ZNF777: variants seen among roughly 807,000 people sequenced by gnomAD.
ZNF777 encodes the protein zinc finger protein 777.
In ZNF777, 7 loss-of-function variants were observed where a neutral mutation model predicts 72.1. That is an observed-to-expected ratio of 0.10 (90% CI 0.06 to 0.18). ZNF777 has a LOEUF of 0.18. ZNF777 is among the 10% of genes least tolerant of loss of function. The pLI, the probability that ZNF777 is intolerant of heterozygous loss-of-function variation, is 1.00. For synonymous variants in ZNF777, 545 were observed against 483.5 expected, an observed-to-expected ratio of 1.13 and a Z score of -1.67; for missense variants, 828 against 1,128.6, an observed-to-expected ratio of 0.73 and a Z score of 3.82.
chr7:149,454,977 C>T (rs892178954), intron 2 of ZNF777, among the ~76,000 whole-genome samples, 200 bp downstream of exon 2: 1 of 152,208 alleles, frequency 6.6e-6, no homozygotes, highest in Non-Finnish European at 1.5e-5. Flanking sequence ...ACTGACAATC[C>T]CCGATCCCAG....
chr7:149,448,508 T>TAA (rs1563237668), intron 4 of ZNF777, among the ~76,000 whole-genome samples: 1 of 136,264 alleles, frequency 7.3e-6, no homozygotes, highest in African/African-American at 2.9e-5. Context: ...TATATATATA[T>TAA]ATAACTATAT....
In ZNF777 at chr7:149,459,893, G is replaced by A. The variant is rs866113450; in HGVS notation, c.-16+922C>T. On this transcript the variant is annotated intron_variant, in intron 1 of 5. Transcript: ENST00000247930. Reference sequence around the variant, plus strand: ...CTCGGGGCCGCGTGTGTGCCGGGCCGGGCGTGAGAGCAGCCTCCCTCGCAC... The same window carrying A: ...CTCGGGGCCGCGTGTGTGCCGGGCCAGGCGTGAGAGCAGCCTCCCTCGCAC... 8.8e-5 allele frequency: 86 copies of A among 974,402 alleles called. No individual in the cohort carries two copies. The East Asian group carries it at 1.4e-3, about 16-fold the overall frequency. The allele number at this position is 974,402 out of a possible 1,614,324, so 60.4% of individuals were successfully genotyped here. A position where few individuals can be genotyped will look rare whatever the true frequency, so the allele number is the denominator to read the frequency against.
rs778543977 is a variant in ZNF777, at chr7:149,455,967, G to T, written c.56C>A (p.Thr19Asn). The T allele has an allele frequency of 1.2e-6, 2 of 1,611,074 alleles. No individual in the cohort carries two copies. Among genetic ancestry groups the T allele is most frequent in the South Asian group, 2.2e-5 (2 of 90,926 alleles). The change falls in exon 2 of 6, where the codon ACC (threonine) becomes AAC (asparagine). Residue 19 changes from threonine to asparagine, a missense_variant. Physicochemically the swap from Thr to Asn is moderately conservative, Grantham distance 65. Around this residue, in one of 12 missense-constraint regions of ZNF777, gnomAD observed 222 missense variants for 211.2 expected, o/e 1.05. Coordinates refer to ENST00000247930, the MANE Select transcript of ZNF777 (RefSeq NM_015694.3). This position sits in a 1 kb window ranked among gnomAD's most constrained non-coding sequence, Gnocchi z 4.2. ...LSFPSVPQEE[T>N]LRQAPAGLPR... is the part of the protein sequence containing the mutation. ...GAGTCCAGCAGGGGCCTGACGTAAG[G>T]TTTCTTCTTGTGGAACACTGGGGAA...
At chr7:149,441,825 A>C (rs1799521330) in intron 4 of ZNF777, among the ~76,000 whole-genome samples, 1 of 152,178 alleles carries the variant, frequency 6.6e-6, no homozygotes, top group Non-Finnish European at 1.5e-5. Context: ...TTCTAGGGCA[A>C]AAAATATTTT....
rs1276607605 is a variant in ZNF777, at chr7:149,455,809, G to C, written c.214C>G (p.Pro72Ala). 1 of 1,612,816 alleles carries C rather than the reference G, an allele frequency of 6.2e-7. No individual in the cohort carries two copies. The highest frequency in any genetic ancestry group is 1.1e-5 in the South Asian group (1 of 91,014). The part of the protein sequence containing the change: ...APKQETSGRM[P>A]HVLQKGPSLL... ...GAGGGTCCCTTCTGGAGCACATGTGGCATCCGGCCAGAAGTCTCTTGCTTG... is the reference window on the plus strand; with the variant it reads ...GAGGGTCCCTTCTGGAGCACATGTGCCATCCGGCCAGAAGTCTCTTGCTTG... The change falls in exon 2 of 6, where the codon CCA becomes GCA. Residue 72 changes from proline to alanine, a missense_variant. By Grantham distance (27) the Pro-to-Ala change is conservative. This residue lies in a region of ZNF777 where 222 missense variants were observed against 211.2 expected (regional missense o/e 1.05). Coordinates refer to ENST00000247930, the MANE Select transcript of ZNF777 (RefSeq NM_015694.3). This position sits in a 1 kb window ranked among gnomAD's most constrained non-coding sequence, Gnocchi z 4.2.
chr7:149,449,288 C>T (rs1437286275), intron 4 of ZNF777, among the ~76,000 whole-genome samples: 3 of 152,342 alleles, frequency 2.0e-5, no homozygotes, highest in Non-Finnish European at 4.4e-5. Context: ...ATTTCAGCCA[C>T]ACAAGGAGGC....
intron 4 of ZNF777, among the ~76,000 whole-genome samples, chr7:149,439,445 T>C (rs1563234841): frequency 6.6e-6 from 1 of 152,238 alleles, no homozygotes. Flanking sequence ...ATTGTAAATA[T>C]TGATACTTTG....
In ZNF777 at chr7:149,455,940, G is replaced by A; in HGVS notation, c.83C>T (p.Pro28Leu). 6.2e-7 allele frequency: 1 copy of A among 1,613,644 alleles called. No homozygotes were observed. The highest frequency in any genetic ancestry group is 1.1e-5 in the South Asian group (1 of 91,042). ...GCGGGATTGGAACAGAGTTTCTCGG[G>A]GGAGTCCAGCAGGGGCCTGACGTAA... is the stretch of plus-strand genomic sequence containing the variant. ...ETLRQAPAGLPRETLFQSRVL... is the reference protein window; with the variant it reads ...ETLRQAPAGLLRETLFQSRVL... The change falls in exon 2 of 6, where the codon CCC (proline) becomes CTC (leucine). Residue 28 changes from proline to leucine, a missense_variant. By Grantham distance (98) the Pro-to-Leu change is moderately conservative. Transcript: ENST00000247930. The surrounding 1 kb of genome is among the most constrained non-coding windows in gnomAD (Gnocchi z 4.2).
chr7:149,449,751 C>A (rs1264801873), intron 4 of ZNF777, among the ~76,000 whole-genome samples: 2 of 152,074 alleles, frequency 1.3e-5, no homozygotes, highest in Non-Finnish European at 2.9e-5. Context: ...TGTCACCAAT[C>A]CCTCATCCTC....
At position 149,432,481 on chromosome 7, in the gene ZNF777, G is replaced by T; in HGVS notation, c.1791C>A (p.Arg597=). 3 of 1,613,764 alleles carry T rather than the reference G, an allele frequency of 1.9e-6. No individual in the cohort carries two copies. The highest frequency in any genetic ancestry group is 2.5e-6 in the Non-Finnish European group (3 of 1,179,856). ...QQLTLHQRIH[R]VRGGCVSPER... Reference sequence around the variant, plus strand: ...CGGGTGAGACGCAGCCTCCGCGCACGCGGTGGATGCGCTGGTGCAGCGTGA... The same window carrying T: ...CGGGTGAGACGCAGCCTCCGCGCACTCGGTGGATGCGCTGGTGCAGCGTGA... The change falls in exon 6 of 6, where the codon CGC becomes CGA. Residue 597 remains arginine (R), a synonymous_variant. Coordinates refer to ENST00000247930, the MANE Select transcript of ZNF777 (RefSeq NM_015694.3).
rs1273053201 is a variant in ZNF777 at position 149,432,229 on chromosome 7, G to A, written c.2043C>T (p.Ile681=). The part of the protein sequence containing the change: ...KSFRLHISLV[I]HQRVHAGKHE... ...GCTTGCCCGCGTGCACGCGCTGATG[G>A]ATCACCAAGCTGATGTGCAGGCGGA... is the stretch of plus-strand genomic sequence containing the variant. Residue 681 remains isoleucine (I), a synonymous_variant, in exon 6 of 6, where the codon ATC becomes ATT. Coordinates refer to ENST00000247930, the MANE Select transcript of ZNF777 (RefSeq NM_015694.3). The A allele has an allele frequency of 3.1e-6, 5 of 1,607,738 alleles. No individual in the cohort carries two copies. Among genetic ancestry groups the A allele is most frequent in the East Asian group, 2.2e-5 (1 of 44,758 alleles).
rs1202911102 is a variant in ZNF777 at position 149,431,854 on chromosome 7, G to A, written c.2418C>T (p.Tyr806=). 4.4e-6 allele frequency: 7 copies of A among 1,605,072 alleles called. No homozygotes were observed. The highest frequency in any genetic ancestry group is 5.9e-6 in the Non-Finnish European group (7 of 1,179,354). Residue 806 remains tyrosine (Y), a synonymous_variant, in exon 6 of 6, where the codon TAC becomes TAT. Coordinates refer to ENST00000247930, the MANE Select transcript of ZNF777 (RefSeq NM_015694.3). ...HQRAHTGERP[Y]PCTHCAKCFR... The stretch of plus-strand genomic sequence containing the variant: ...AGCACTTGGCGCAGTGCGTGCAGGG[G>A]TAGGGCCGCTCGCCCGTGTGCGCGC...
At position 149,431,821 on chromosome 7, in the gene ZNF777, G is replaced by A. The variant is rs767985840; in HGVS notation, c.2451C>T (p.Tyr817=). 1 of 1,602,466 alleles carries A rather than the reference G, an allele frequency of 6.2e-7. No individual in the cohort carries two copies. ...PCTHCAKCFR[Y]KQSLKYHLRT... ...GCAGGTGGTACTTGAGCGACTGCTT[G>A]TAGCGGAAGCACTTGGCGCAGTGCG... Residue 817 remains tyrosine, a synonymous_variant, in exon 6 of 6, where the codon TAC becomes TAT. Coordinates refer to ENST00000247930, the MANE Select transcript of ZNF777 (RefSeq NM_015694.3).
chr7:149,440,179 T>C (rs1443455975), intron 4 of ZNF777, among the ~76,000 whole-genome samples: 1 of 152,220 alleles, frequency 6.6e-6, no homozygotes, highest in East Asian at 1.9e-4. Context: ...CTTTCAATTT[T>C]GTTAAAGGTA....
intron 5 of ZNF777, among the ~76,000 whole-genome samples, chr7:149,434,174 T>C (rs1799373782): frequency 6.6e-6 from 1 of 152,178 alleles, no homozygotes; most frequent in Non-Finnish European, 1.5e-5. Context: ...TAGGCCTTTC[T>C]AGAGTTTGCA....
chr7:149,435,292 TC>T (rs1210044988), intron 5 of ZNF777, among the ~76,000 whole-genome samples: 1 of 152,066 alleles, frequency 6.6e-6, no homozygotes, highest in African/African-American at 2.4e-5. Flanking sequence ...CACCTCAGCC[TC>T]CCAAGGAGCT....
intron 4 of ZNF777, 78 bp downstream of exon 4, chr7:149,450,921 T>C (rs1200581780): frequency 3.9e-5 from 51 of 1,317,736 alleles, no homozygotes; most frequent in Middle Eastern, 1.9e-4. Context: ...TACCTTGGAT[T>C]GTGCTGCCTC....
At chr7:149,459,559 C>G (rs1247178637) in intron 1 of ZNF777, 1 of 886,276 alleles carries the variant, frequency 1.1e-6, no homozygotes, top group Non-Finnish European at 1.4e-6. Context: ...GCCCCTCACC[C>G]AGGGGCGGCC....
At position 149,431,775 on chromosome 7, in the gene ZNF777, C is replaced by A; in HGVS notation, c.*1G>T. ...CCGGGCGGCGGCGGCGGGGCGCGCG[C>A]TCACTCGCCCGTGTGGGTCCGCAGG... On this transcript the variant is annotated 3_prime_UTR_variant, in exon 6 of 6. Coordinates refer to ENST00000247930, the MANE Select transcript of ZNF777 (RefSeq NM_015694.3). 1 of 1,572,842 alleles carries A rather than the reference C, an allele frequency of 6.4e-7. No individual in the cohort carries two copies. Among genetic ancestry groups the A allele is most frequent in the Non-Finnish European group, 8.6e-7 (1 of 1,167,912 alleles).
Sources: allele counts gnomAD v4.1 joint callset (sites outside exome capture counted in the v4.1 genomes callset), GRCh38; gene constraint gnomAD v4.1.1; regional missense constraint gnomAD v4.1.1; non-coding constraint Gnocchi (gnomAD v3.1); transcripts MANE v1.5; gene names NCBI Gene and HGNC (gene_info 2026-07-23, HGNC 2026-07-21).